The following FBXL17 variants were observed in gnomAD, a reference collection of about 807,000 sequenced individuals.
FBXL17 encodes the protein F-box and leucine rich repeat protein 17.
FBXL17 carries 22 observed loss-of-function variants against 66.2 expected under a neutral mutation model. The observed-to-expected ratio is 0.33, with a 90% CI of 0.24 to 0.47. The LOEUF is 0.47. Among genes scored for constraint, FBXL17 ranks in the 20% least tolerant of loss-of-function variants. FBXL17 has a pLI of 1.00. For synonymous variants in FBXL17, 474 were observed against 400.5 expected (o/e 1.18, Z -2.19); for missense variants, 878 against 948.2 (o/e 0.93, Z 0.97).
At chr5:108,174,936 G>A (rs945262125) in intron 6 of FBXL17, among the ~76,000 whole-genome samples, 2 of 152,040 alleles carry the variant, frequency 1.3e-5, no homozygotes, top group Admixed American at 1.3e-4. Context: ...CAAAAATGAG[G>A]CTATGGCTTT....
At chr5:108,093,294 G>C (rs1357653942) in intron 6 of FBXL17, among the ~76,000 whole-genome samples, 1 of 146,230 alleles carries the variant, frequency 6.8e-6, no homozygotes, top group Non-Finnish European at 1.5e-5. Flanking sequence ...AAAAAAAAAA[G>C]AGTAGTTTGT....
At chr5:108,344,835 T>C (rs563143001) in intron 4 of FBXL17, among the ~76,000 whole-genome samples, 1 of 152,320 alleles carries the variant, frequency 6.6e-6, no homozygotes, top group African/African-American at 2.4e-5. Flanking sequence ...GCATGCACTA[T>C]ACAAAAGTGA....
intron 7 of FBXL17, among the ~76,000 whole-genome samples, chr5:108,019,175 C>T (rs1167483088): frequency 6.6e-6 from 1 of 152,088 alleles, no homozygotes; most frequent in Admixed American, 6.6e-5. Context: ...CATACAGAAG[C>T]ATGAAGTCAG....
intron 4 of FBXL17, among the ~76,000 whole-genome samples, chr5:108,344,335 T>C (rs1346899232): frequency 6.6e-6 from 1 of 152,122 alleles, no homozygotes; most frequent in African/African-American, 2.4e-5. Context: ...ACTAAGAGAC[T>C]GAAAAGTAAA....
intron 6 of FBXL17, among the ~76,000 whole-genome samples, chr5:108,137,566 C>A (rs958730303): frequency 6.6e-6 from 1 of 152,102 alleles, no homozygotes; most frequent in Non-Finnish European, 1.5e-5. Flanking sequence ...ATGATAACTG[C>A]ACACTGATGA....
chr5:108,319,070 T>C (rs1759500279), intron 4 of FBXL17, among the ~76,000 whole-genome samples: 1 of 151,914 alleles, frequency 6.6e-6, no homozygotes, highest in Non-Finnish European at 1.5e-5. Context: ...CGGCACTGCC[T>C]TCCAATTGTT....
chr5:108,366,442 A>G (rs949207452), intron 2 of FBXL17, among the ~76,000 whole-genome samples: 2 of 152,058 alleles, frequency 1.3e-5, no homozygotes, highest in African/African-American at 4.8e-5. Flanking sequence ...AGATAAAACT[A>G]TCTTCGTTTA....
chr5:108,343,063 A>G lies in FBXL17; in HGVS notation c.1506+5336T>C, dbSNP rs1259503199. Among the ~76,000 whole-genome samples the G allele has an allele frequency of 2.0e-5, 3 of 152,208 alleles. No homozygotes were observed. In the East Asian group the frequency reaches 5.8e-4, roughly 29 times the overall value. ...GTTTGCCTTTCTACCATGTGAGGAT[A>G]CAGGGAGAAGGTGTCTATAAACTAG... On this transcript the variant is annotated intron_variant, in intron 4 of 8. Coordinates refer to ENST00000542267, the MANE Select transcript of FBXL17 (RefSeq NM_001163315.3).
intron 7 of FBXL17, among the ~76,000 whole-genome samples, chr5:107,969,384 T>C (rs907124274): frequency 1.8e-4 from 27 of 151,962 alleles, no homozygotes; most frequent in Admixed American, 3.3e-4. Flanking sequence ...CCAGAAAAAA[T>C]GACTCATTAT....
At chr5:108,362,804 A>G (rs1254217467) in intron 3 of FBXL17, among the ~76,000 whole-genome samples, 2 of 152,132 alleles carry the variant, frequency 1.3e-5, no homozygotes, top group African/African-American at 2.4e-5. Context: ...GGTATCCGCT[A>G]AAGTCAATCA....
At chr5:108,070,330 C>T (rs548424698) in intron 6 of FBXL17, among the ~76,000 whole-genome samples, 8 of 152,280 alleles carry the variant, frequency 5.3e-5, no homozygotes, top group African/African-American at 1.7e-4. Flanking sequence ...GAGGCATTAA[C>T]TCTTAAATAT....
intron 6 of FBXL17, among the ~76,000 whole-genome samples, chr5:108,161,743 A>G (rs1752227362): frequency 6.6e-6 from 1 of 152,236 alleles, no homozygotes; most frequent in Non-Finnish European, 1.5e-5. Flanking sequence ...ATTTTTAGTT[A>G]AATACTATAT....
At chr5:108,097,382 G>A (rs1008005510) in intron 6 of FBXL17, among the ~76,000 whole-genome samples, 3 of 152,168 alleles carry the variant, frequency 2.0e-5, no homozygotes, top group Non-Finnish European at 4.4e-5. Flanking sequence ...TTGGACAAAA[G>A]CCTGCCACTA....
chr5:107,875,769 A>G (rs530847507), intron 8 of FBXL17, among the ~76,000 whole-genome samples: 33 of 152,240 alleles, frequency 2.2e-4, no homozygotes, highest in Admixed American at 1.3e-3. Flanking sequence ...TGGGGCAGGT[A>G]AGGAGAAAGG....
chr5:108,291,318 A>T (rs1476200991), intron 4 of FBXL17, among the ~76,000 whole-genome samples: 1 of 152,216 alleles, frequency 6.6e-6, no homozygotes, highest in Admixed American at 6.5e-5. Flanking sequence ...CATGCTAAAA[A>T]GTTAGGCATC....
chr5:108,191,146 T>C (rs1753454525), intron 5 of FBXL17, among the ~76,000 whole-genome samples: 1 of 152,226 alleles, frequency 6.6e-6, no homozygotes, highest in African/African-American at 2.4e-5. Flanking sequence ...AAAATACACA[T>C]ATAGCATGAC....
intron 5 of FBXL17, among the ~76,000 whole-genome samples, chr5:108,188,463 A>T (rs1302130449): frequency 6.6e-6 from 1 of 152,226 alleles, no homozygotes; most frequent in Non-Finnish European, 1.5e-5. Flanking sequence ...CGTCCAGTCT[A>T]GTATGGGACT....
At chr5:108,218,372 GT>G (rs1452182563) in intron 5 of FBXL17, among the ~76,000 whole-genome samples, 1 of 152,106 alleles carries the variant, frequency 6.6e-6, no homozygotes, top group East Asian at 1.9e-4. Flanking sequence ...ACTGTGAATA[GT>G]GCTGCAATGA....
chr5:108,175,674 A>C (rs952725808), intron 6 of FBXL17, among the ~76,000 whole-genome samples: 1 of 152,206 alleles, frequency 6.6e-6, no homozygotes, highest in Non-Finnish European at 1.5e-5. Context: ...TCCCTTTCCT[A>C]ATCTCTGAAA....
Sources: allele counts gnomAD v4.1 joint callset (sites outside exome capture counted in the v4.1 genomes callset), GRCh38; gene constraint gnomAD v4.1.1; transcripts MANE v1.5; gene names NCBI Gene and HGNC (gene_info 2026-07-23, HGNC 2026-07-21).